Variants in MSR1 observed in about 807,000 individuals in gnomAD.
MSR1 encodes the protein macrophage scavenger receptor 1.
Under a neutral mutation model 47.2 loss-of-function variants are expected in MSR1, and 53 were observed. The ratio of observed to expected loss-of-function variants is 1.12; its 90% confidence interval spans 0.90 to 1.41. MSR1 has a LOEUF of 1.41. MSR1 is among the 40% of genes most tolerant of loss of function. MSR1 has a pLI of 0.00. For synonymous variants in MSR1, 239 were observed against 185.6 expected (o/e 1.29, Z -2.34); for missense variants, 786 against 546.9 (o/e 1.44, Z -4.36).
At chr8:16,128,264 C>T (rs1366218526) in intron 8 of MSR1, among the ~76,000 whole-genome samples, 1 of 152,034 alleles carries the variant, frequency 6.6e-6, no homozygotes, top group African/African-American at 2.4e-5. Context: ...TGTGTCGCTC[C>T]AATATTCGTA....
At chr8:16,150,140 G>GTGTGTGTATATA (rs1402495981) in intron 7 of MSR1, 91 bp downstream of exon 7, 16 of 172,616 alleles carry the variant, frequency 9.3e-5, no homozygotes, top group African/African-American at 4.9e-4. Context: ...GTGTGTGTGT[G>GTGTGTGTATATA]TATATATATA....
chr8:16,175,353 T>C, intron 2 of MSR1, 53 bp from the exon 3 acceptor site: 1 of 1,408,946 alleles, frequency 7.1e-7, no homozygotes, highest in Non-Finnish European at 1.0e-6. Context: ...TCTTCTTCCA[T>C]AATTAAAATT....
intron 7 of MSR1, among the ~76,000 whole-genome samples, chr8:16,146,371 AG>A (rs1246169545): frequency 6.6e-6 from 1 of 151,912 alleles, no homozygotes; most frequent in Non-Finnish European, 1.5e-5. Context: ...CTTCCTTCAA[AG>A]AAAAAAAAAA....
chr8:16,135,143 G>C (rs1420396132), intron 8 of MSR1, among the ~76,000 whole-genome samples: 1 of 152,186 alleles, frequency 6.6e-6, no homozygotes, highest in East Asian at 1.9e-4. Flanking sequence ...CTACACAACA[G>C]ATTTTCAATG....
rs1313387625 is a variant in MSR1, at chr8:16,121,938, C to G, written c.1034-1332G>C. The stretch of plus-strand genomic sequence containing the variant: ...TTACTGTTTCAACAAATGTTTTTAA[C>G]TTATGCTTATTACTGTTTTAACAGT... On this transcript the variant is annotated intron_variant, in intron 8 of 9. Transcript: ENST00000262101. Among the ~76,000 whole-genome samples the G allele has an allele frequency of 9.2e-5, 14 of 151,966 alleles. No individual in the cohort carries two copies. In the East Asian group the frequency reaches 2.7e-3, roughly 29 times the overall value.
At chr8:16,172,554 T>C (rs920685879) in intron 3 of MSR1, among the ~76,000 whole-genome samples, 4 of 152,166 alleles carry the variant, frequency 2.6e-5, no homozygotes, top group Non-Finnish European at 5.9e-5. Flanking sequence ...TGCAACAACC[T>C]ACGGACAGGG....
At chr8:16,187,330 T>C (rs1340914355) in intron 1 of MSR1, among the ~76,000 whole-genome samples, 3 of 126,522 alleles carry the variant, frequency 2.4e-5, no homozygotes, top group Non-Finnish European at 1.5e-5. Context: ...GCCACTGCAC[T>C]CTAGCCTGGG....
chr8:16,171,254 G>A (rs1233522523), intron 3 of MSR1, among the ~76,000 whole-genome samples: 1 of 143,838 alleles, frequency 7.0e-6, no homozygotes, highest in African/African-American at 2.6e-5. Context: ...AAAAAAAGAA[G>A]CTGTTTGATA....
At chr8:16,112,870 C>T (rs192427494) in intron 9 of MSR1, among the ~76,000 whole-genome samples, 15 of 150,996 alleles carry the variant, frequency 9.9e-5, no homozygotes, top group Admixed American at 9.9e-4. Flanking sequence ...TATACCTAGC[C>T]ATATATATAT....
At position 16,177,872 on chromosome 8, in the gene MSR1, C is replaced by G. The variant is rs371447054; in HGVS notation, c.103+14G>C. On this transcript the variant is annotated intron_variant, in intron 2 of 9. Transcript: ENST00000262101. ...AGAACAACCTCCATGGGCAGCCCAT[C>G]CCCCTCTACTTACTCGGAGGAAGCA... 1.2e-6 allele frequency: 2 copies of G among 1,607,488 alleles called. No homozygotes were observed. The highest frequency in any genetic ancestry group is 1.7e-5 in the Admixed American group (1 of 59,958).
In MSR1 at chr8:16,178,189, G is replaced by C. The variant is rs1228208993; in HGVS notation, c.-4-197C>G. On this transcript the variant is annotated intron_variant, in intron 1 of 9. Coordinates refer to ENST00000262101, the MANE Select transcript of MSR1 (RefSeq NM_138715.3). ...CATATATTATACATGTACCATGTTG[G>C]TGTGCTGCACCCACAAACTCGTCAT... Among the ~76,000 whole-genome samples the C allele has an allele frequency of 3.3e-5, 5 of 151,264 alleles. No individual in the cohort carries two copies. The South Asian group carries it at 6.3e-4, about 19-fold the overall frequency.
At chr8:16,111,686 T>A (rs560867871) in intron 9 of MSR1, among the ~76,000 whole-genome samples, 2 of 151,416 alleles carry the variant, frequency 1.3e-5, no homozygotes, top group African/African-American at 2.4e-5. Flanking sequence ...GTCCTGATAA[T>A]GAAAATTTAA....
At chr8:16,165,267 T>A (rs1196254444) in intron 4 of MSR1, among the ~76,000 whole-genome samples, 2 of 152,136 alleles carry the variant, frequency 1.3e-5, no homozygotes, top group Non-Finnish European at 2.9e-5. Flanking sequence ...CAGCGTCCAC[T>A]TTTTGCAGCT....
chr8:16,124,643 A>G (rs1343757820), intron 8 of MSR1, among the ~76,000 whole-genome samples: 4 of 152,074 alleles, frequency 2.6e-5, no homozygotes, highest in Admixed American at 1.3e-4. Flanking sequence ...TACACTCTCA[A>G]TCTCCAAATT....
chr8:16,174,390 A>T (rs1202718704), intron 3 of MSR1, among the ~76,000 whole-genome samples: 1 of 152,174 alleles, frequency 6.6e-6, no homozygotes, highest in African/African-American at 2.4e-5. Context: ...ATAAATTCAA[A>T]TGCCAATCGA....
chr8:16,134,123 CT>C lies in MSR1; in HGVS notation c.1033+9434del, dbSNP rs1348207946. Among the ~76,000 whole-genome samples the C allele has an allele frequency of 3.9e-5, 6 of 152,218 alleles. No homozygotes were observed. The East Asian group carries it at 1.2e-3, about 29-fold the overall frequency. On this transcript the variant is annotated intron_variant, in intron 8 of 9. Transcript: ENST00000262101. ...TCCTTTGGGACATTGTGCCTATAAA[CT>C]TTTCATAAAGTATCGGTGATTTCAC... is the stretch of plus-strand genomic sequence containing the variant.
intron 6 of MSR1, 53 bp downstream of exon 6, chr8:16,155,011 A>C: frequency 7.0e-7 from 1 of 1,420,284 alleles, no homozygotes; most frequent in Non-Finnish European, 9.9e-7. Context: ...ATGTACCTGG[A>C]TGTATATCAT....
chr8:16,144,827 A>G (rs1563150865), intron 7 of MSR1, among the ~76,000 whole-genome samples: 1 of 152,070 alleles, frequency 6.6e-6, no homozygotes, highest in African/African-American at 2.4e-5. Flanking sequence ...TTCTCAGAGA[A>G]TGAGAGAAAA....
intron 5 of MSR1, among the ~76,000 whole-genome samples, chr8:16,163,060 C>A (rs1225985251): frequency 6.6e-6 from 1 of 151,866 alleles, no homozygotes; most frequent in Non-Finnish European, 1.5e-5. Flanking sequence ...AGATACTGAT[C>A]AACTTTAGAC....
Sources: allele counts gnomAD v4.1 joint callset (sites outside exome capture counted in the v4.1 genomes callset), GRCh38; gene constraint gnomAD v4.1.1; transcripts MANE v1.5; gene names NCBI Gene and HGNC (gene_info 2026-07-23, HGNC 2026-07-21).